Variants in BHMT2 observed in about 807,000 individuals in gnomAD.
BHMT2 encodes the protein S-methylmethionine--homocysteine S-methyltransferase BHMT2.
In BHMT2, 28 loss-of-function variants were observed where a neutral mutation model predicts 39.0. The ratio of observed to expected loss-of-function variants is 0.72; its 90% confidence interval spans 0.53 to 0.98. BHMT2 has a LOEUF of 0.98. Among genes scored for constraint, BHMT2 ranks in the 50% least tolerant of loss-of-function variants. The pLI, the probability that BHMT2 is intolerant of heterozygous loss-of-function variation, is 0.00. For missense variants in BHMT2, 410 were observed against 455.6 expected, an observed-to-expected ratio of 0.90 and a Z score of 0.91; for synonymous variants, 145 against 160.6, an observed-to-expected ratio of 0.90 and a Z score of 0.74.
Position 79,082,807 on chromosome 5 carries a change from A to G in BHMT2, c.451-2A>G. The G allele has an allele frequency of 6.2e-7, 1 of 1,613,448 alleles. No homozygotes were observed. Among genetic ancestry groups the G allele is most frequent in the Non-Finnish European group, 8.5e-7 (1 of 1,179,824 alleles). ...CAGTAGAAAAAGTGACATTTCTCTTAGTATTTTGAGCACGTTGAAGAAGCT... is the reference window on the plus strand; with the variant it reads ...CAGTAGAAAAAGTGACATTTCTCTTGGTATTTTGAGCACGTTGAAGAAGCT... On this transcript the variant is annotated splice_acceptor_variant, in intron 4 of 7. Coordinates refer to ENST00000255192, the MANE Select transcript of BHMT2 (RefSeq NM_017614.5). LOFTEE classifies it high-confidence loss of function.
Position 79,079,427 on chromosome 5 carries a change from C to T in BHMT2, c.225C>T (p.Thr75=), listed in dbSNP as rs935442524. The change falls in exon 3 of 8, where the codon ACC becomes ACT. Residue 75 remains threonine, a synonymous_variant. Transcript: ENST00000255192. ...RAGSNVMQTF[T]FSASEDNMES... is the part of the protein sequence containing the mutation. ...GATCAAATGTCATGCAGACTTTTAC[C>T]TTTTCTGCCAGTGAGGACAATATGG... is the stretch of plus-strand genomic sequence containing the variant. 20 of 1,613,752 alleles carry T rather than the reference C, an allele frequency of 1.2e-5. No individual in the cohort carries two copies. Among genetic ancestry groups the T allele is most frequent in the Non-Finnish European group, 1.5e-5 (18 of 1,179,876 alleles).
chr5:79,081,359 T>C (rs1290984590), intron 4 of BHMT2, among the ~76,000 whole-genome samples: 5 of 152,248 alleles, frequency 3.3e-5, no homozygotes, highest in Non-Finnish European at 5.9e-5. Flanking sequence ...GTCTTGCTCT[T>C]CTTGCCTCTC....
At chr5:79,070,672 A>C (rs1407708838) in intron 1 of BHMT2, among the ~76,000 whole-genome samples, 1 of 152,186 alleles carries the variant, frequency 6.6e-6, no homozygotes, top group East Asian at 1.9e-4. Context: ...TATACTAAAA[A>C]GTTAGAAACG....
rs575741780 is a variant in BHMT2 at position 79,089,020 on chromosome 5, T to G, written c.*446T>G. The stretch of plus-strand genomic sequence containing the variant: ...CTAAACTAAAGCAATGAGTCTGCTT[T>G]TTTTAATGATTTATACAATGACTCC... On this transcript the variant is annotated 3_prime_UTR_variant, in exon 8 of 8. Transcript: ENST00000255192. The G allele has an allele frequency of 6.5e-6, 1 of 153,696 alleles. No homozygotes were observed. Among genetic ancestry groups the G allele is most frequent in the South Asian group, 2.0e-4 (1 of 4,884 alleles). 9.5% of individuals were successfully genotyped at this position (153,696 alleles called of 1,614,324 possible).
At chr5:79,086,060 G>A (rs758154114) in intron 7 of BHMT2, among the ~76,000 whole-genome samples, 49 of 152,158 alleles carry the variant, frequency 3.2e-4, no homozygotes, top group Non-Finnish European at 6.3e-4. Context: ...ACTTTTGTCT[G>A]TACTTCTCAT....
In BHMT2 at chr5:79,089,664, C is replaced by G. The variant is rs1485057587; in HGVS notation, c.*1090C>G. Among the ~76,000 whole-genome samples the G allele has an allele frequency of 6.6e-6, 1 of 151,788 alleles. No homozygotes were observed. The highest frequency in any genetic ancestry group is 2.4e-5 in the African/African-American group (1 of 41,316). On this transcript the variant is annotated 3_prime_UTR_variant, in exon 8 of 8. Transcript: ENST00000255192. ...GTTTAAAAATAAAGTTTTAGAAAAC[C>G]TTTTCAAAAGTCAGAGTTTAGGCCA...
chr5:79,083,346 G>A lies in BHMT2; in HGVS notation c.753G>A (p.Gly251=). 1 of 1,605,172 alleles carries A rather than the reference G, an allele frequency of 6.2e-7. No individual in the cohort carries two copies. Among genetic ancestry groups the A allele is most frequent in the Non-Finnish European group, 8.5e-7 (1 of 1,174,834 alleles). Residue 251 remains glycine (G), a synonymous_variant, in exon 6 of 8, where the codon GGG becomes GGA. Transcript: ENST00000255192. ...GFHAPDCGKE[G]FVDLPEYPFG... is the part of the protein sequence containing the mutation. ...ACGCGCCTGACTGTGGCAAAGAGGG[G>A]TTTGTGGATCTCCCAGAATATCCCT... is the stretch of plus-strand genomic sequence containing the variant.
chr5:79,077,965 A>T (rs1036812490), intron 2 of BHMT2: 2 of 163,518 alleles, frequency 1.2e-5, no homozygotes, highest in Non-Finnish European at 2.6e-5. Context: ...ACACACTCTC[A>T]CACACACACA....
intron 7 of BHMT2, among the ~76,000 whole-genome samples, chr5:79,086,128 G>T (rs911190953): frequency 1.3e-5 from 2 of 152,114 alleles, no homozygotes; most frequent in Non-Finnish European, 2.9e-5. Context: ...TTTCAACCAG[G>T]TCACTCCAGA....
chr5:79,080,800 T>A lies in BHMT2; in HGVS notation c.372T>A (p.Asp124Glu). Residue 124 changes from aspartate (D) to glutamate (E), a missense_variant, in exon 4 of 8, where the codon GAT (aspartate) becomes GAA (glutamate). Physicochemically the swap from Asp to Glu is conservative, Grantham distance 45 (BLOSUM62 2). Coordinates refer to ENST00000255192, the MANE Select transcript of BHMT2 (RefSeq NM_017614.5). Reference sequence around the variant, plus strand: ...CATCAATATACAAATACCAGAAGGATGAAGCTAGAATTAAAAAACTTTTTC... The same window carrying A: ...CATCAATATACAAATACCAGAAGGAAGAAGCTAGAATTAAAAAACTTTTTC... ...CQTSIYKYQK[D>E]EARIKKLFRQ... 2 of 1,606,098 alleles carry A rather than the reference T, an allele frequency of 1.2e-6. No homozygotes were observed. The highest frequency in any genetic ancestry group is 1.7e-6 in the Non-Finnish European group (2 of 1,177,752).
At chr5:79,082,571 C>G (rs1034075019) in intron 4 of BHMT2, 9 of 338,280 alleles carry the variant, frequency 2.7e-5, no homozygotes, top group Non-Finnish European at 4.2e-5. Flanking sequence ...TAGGCATCAT[C>G]TCACTGAATC....
chr5:79,084,667 G>A (rs977099856), intron 7 of BHMT2, among the ~76,000 whole-genome samples: 1 of 152,144 alleles, frequency 6.6e-6, no homozygotes, highest in Non-Finnish European at 1.5e-5. Flanking sequence ...CATGTGCATT[G>A]TGGGGACACA....
At position 79,082,881 on chromosome 5, in the gene BHMT2, A is replaced by G; in HGVS notation, c.523A>G (p.Thr175Ala). The G allele has an allele frequency of 6.2e-7, 1 of 1,614,206 alleles. No homozygotes were observed. Among genetic ancestry groups the G allele is most frequent in the East Asian group, 2.2e-5 (1 of 44,884 alleles). ...LKESDRPVAV[T>A]MCIGPEGDMH... ...AGAATCAGATAGACCCGTGGCAGTT[A>G]CCATGTGCATAGGCCCAGAGGGAGA... The change falls in exon 5 of 8, where the codon ACC becomes GCC. Residue 175 changes from threonine to alanine, a missense_variant. By Grantham distance (58) the Thr-to-Ala change is moderately conservative (BLOSUM62 0). Coordinates refer to ENST00000255192, the MANE Select transcript of BHMT2 (RefSeq NM_017614.5).
chr5:79,076,891 T>A (rs577974061), intron 1 of BHMT2, among the ~76,000 whole-genome samples: 1 of 152,324 alleles, frequency 6.6e-6, no homozygotes, highest in South Asian at 2.1e-4. Flanking sequence ...TCTTAAGAAA[T>A]CTGCCTCATA....
rs75317691 is a variant in BHMT2, at chr5:79,072,953, G to A, written c.33+3138G>A. 7.2e-3 allele frequency among the ~76,000 whole-genome samples: 1,048 copies of A among 145,470 alleles called. 10 individuals are homozygous for A. Among genetic ancestry groups the A allele is most frequent in the African/African-American group, 0.025 (976 of 39,454 alleles). Reference sequence around the variant, plus strand: ...ATGTTTTCCCTCGACAATTGTTTGAGTAAATTTGATTCTTTTTTTTTTTTT... The same window carrying A: ...ATGTTTTCCCTCGACAATTGTTTGAATAAATTTGATTCTTTTTTTTTTTTT... On this transcript the variant is annotated intron_variant, in intron 1 of 7. Transcript: ENST00000255192.
Position 79,088,794 on chromosome 5 carries a change from A to G in BHMT2, c.*220A>G. Reference sequence around the variant, plus strand: ...AACAGACTCTACCAGAGATGCAAAGAGAAGCGAGAGAGGCACCTTGTTCTC... The same window carrying G: ...AACAGACTCTACCAGAGATGCAAAGGGAAGCGAGAGAGGCACCTTGTTCTC... On this transcript the variant is annotated 3_prime_UTR_variant, in exon 8 of 8. Coordinates refer to ENST00000255192, the MANE Select transcript of BHMT2 (RefSeq NM_017614.5). 1 of 418,280 alleles carries G rather than the reference A, an allele frequency of 2.4e-6. No homozygotes were observed. The highest frequency in any genetic ancestry group is 4.4e-6 in the Non-Finnish European group (1 of 228,192). The allele number at this position is 418,280 out of a possible 1,614,324, so 25.9% of individuals were successfully genotyped here.
Position 79,083,305 on chromosome 5 carries a change from C to T in BHMT2, c.712C>T (p.Gln238Ter), listed in dbSNP as rs770231553. 20 of 1,613,450 alleles carry T rather than the reference C, an allele frequency of 1.2e-5. No individual in the cohort carries two copies. In the South Asian group the frequency reaches 1.9e-4, roughly 15 times the overall value. The change falls in exon 6 of 8, where the codon CAG becomes TAG. Residue 238 changes from glutamine (Q) to a stop codon, truncating the protein, a stop_gained. Coordinates refer to ENST00000255192, the MANE Select transcript of BHMT2 (RefSeq NM_017614.5). LOFTEE classifies it high-confidence loss of function. ...AGGGCTGAAAGCGCACCTCATGGTG[C>T]AGCCTCTGGGGTTCCACGCGCCTGA... Reference protein sequence around the residue: ...WAGLKAHLMVQPLGFHAPDCG... With the variant: ...WAGLKAHLMV
chr5:79,084,680 C>T (rs560585533), intron 7 of BHMT2, among the ~76,000 whole-genome samples: 13 of 152,172 alleles, frequency 8.5e-5, no homozygotes, highest in Non-Finnish European at 1.8e-4. Context: ...GGGACACAGA[C>T]AATCAGACCA....
At chr5:79,084,062 TTATACAC>T (rs1426044139) in intron 7 of BHMT2, among the ~76,000 whole-genome samples, 2 of 152,282 alleles carry the variant, frequency 1.3e-5, no homozygotes, top group Middle Eastern at 3.4e-3. Flanking sequence ...ACTGGGTGGC[TTATACAC>T]AACAGAAATT....
Sources: gnomAD v4.1 joint callset for allele counts (sites outside exome capture counted in the v4.1 genomes callset) on GRCh38, gnomAD v4.1.1 for gene constraint, MANE v1.5 for transcripts, NCBI Gene and HGNC (gene_info 2026-07-23, HGNC 2026-07-21) for gene names.